The following PSMD9 variants were observed in gnomAD, a reference collection of about 807,000 sequenced individuals.
PSMD9 encodes the protein 26S proteasome non-ATPase regulatory subunit 9.
PSMD9 carries 26 observed loss-of-function variants against 25.9 expected under a neutral mutation model. The ratio of observed to expected loss-of-function variants is 1.00; its 90% CI spans 0.73 to 1.39. The LOEUF (loss-of-function observed/expected upper bound fraction) is 1.39, where lower values mean the gene tolerates loss of function less well. PSMD9 is among the 40% of genes most tolerant of loss of function. PSMD9 has a pLI of 0.00. For missense variants in PSMD9, 303 were observed against 299.3 expected, an observed-to-expected ratio of 1.01 and a Z score of -0.09; for synonymous variants, 110 against 114.5, an observed-to-expected ratio of 0.96 and a Z score of 0.25.
intron 3 of PSMD9, 164 bp from the exon 4 acceptor site, chr12:121,902,842 C>T (rs913389685): frequency 2.0e-5 from 12 of 589,760 alleles, no homozygotes; most frequent in East Asian, 1.8e-4. Context: ...TACCCACTGC[C>T]CCTTCCTGCA....
At chr12:121,899,593 C>T in intron 2 of PSMD9, 41 bp from the exon 3 acceptor site, 5 of 1,531,654 alleles carry the variant, frequency 3.3e-6, no homozygotes, top group Non-Finnish European at 4.4e-6. Flanking sequence ...TTGTGTCCTC[C>T]ACTGTCTTCC....
rs115131890 is a variant in PSMD9 at position 121,894,564 on chromosome 12, C to G, written c.139-175C>G. On this transcript the variant is annotated intron_variant, in intron 1 of 5. Transcript: ENST00000541212. The stretch of plus-strand genomic sequence containing the variant: ...AAAATAAAAAATGAAAAACACAGTG[C>G]CCACCCCAGGGTAGTTGTGAGGGCA... The G allele has an allele frequency of 1.8e-3, 1,055 of 593,312 alleles. 12 individuals carry two copies. The African/African-American group carries it at 0.018, about 10-fold the overall frequency. The allele number at this position is 593,312 out of a possible 1,614,324, so 36.8% of individuals were successfully genotyped here.
At chr12:121,913,455 C>A (rs1879798159) in intron 4 of PSMD9, among the ~76,000 whole-genome samples, 1 of 150,554 alleles carries the variant, frequency 6.6e-6, no homozygotes, top group African/African-American at 2.4e-5. Context: ...GATGTTAAAT[C>A]CTTATTAGAT....
intron 4 of PSMD9, among the ~76,000 whole-genome samples, chr12:121,904,547 C>T (rs184411516): frequency 1.1e-4 from 17 of 150,912 alleles, no homozygotes; most frequent in Non-Finnish European, 2.2e-4. Context: ...GCACTCCAGC[C>T]TAGGCGACAG....
At chr12:121,910,082 A>AATTTTTT (rs1159648546) in intron 4 of PSMD9, among the ~76,000 whole-genome samples, 1 of 48,366 alleles carries the variant, frequency 2.1e-5, no homozygotes, top group Non-Finnish European at 4.3e-5. Flanking sequence ...GTAGGAAATG[A>AATTTTTT]CTTTTTTTTT....
At chr12:121,895,749 C>G (rs776844069) in intron 2 of PSMD9, among the ~76,000 whole-genome samples, 1 of 152,206 alleles carries the variant, frequency 6.6e-6, no homozygotes, top group Non-Finnish European at 1.5e-5. Context: ...ACACCAGGCC[C>G]ACCTGGATAA....
chr12:121,914,603 G>C (rs917193095), intron 4 of PSMD9: 3 of 152,242 alleles, frequency 2.0e-5, no homozygotes, highest in Admixed American at 1.3e-4. Flanking sequence ...CAAAATCCCA[G>C]CACTTTGGGA....
chr12:121,890,062 C>T lies in PSMD9; in HGVS notation c.138+1068C>T, dbSNP rs571884866. The stretch of plus-strand genomic sequence containing the variant: ...CCTCCCGAGTAGTAGGGATTACAGG[C>T]GAGCGCCAGTACGCCAGGCTAATTT... On this transcript the variant is annotated intron_variant, in intron 1 of 5. Coordinates refer to ENST00000541212, the MANE Select transcript of PSMD9 (RefSeq NM_002813.7). Among the ~76,000 whole-genome samples the T allele has an allele frequency of 7.9e-5, 12 of 152,114 alleles. No homozygotes were observed. In the East Asian group the frequency reaches 1.9e-3, roughly 25 times the overall value.
intron 1 of PSMD9, chr12:121,894,352 T>G: frequency 5.4e-6 from 1 of 183,668 alleles, no homozygotes; most frequent in South Asian, 9.8e-5. Context: ...CTGGGTGCTG[T>G]CTGGGCTTTT....
intron 1 of PSMD9, among the ~76,000 whole-genome samples, chr12:121,889,353 C>A (rs1022838966): frequency 1.3e-5 from 2 of 152,184 alleles, no homozygotes; most frequent in African/African-American, 4.8e-5. Flanking sequence ...GATTAAACAG[C>A]TGTCATGTGC....
rs368280242 is a variant in PSMD9, at chr12:121,903,071, G to T, written c.519G>T (p.Leu173=). The T allele has an allele frequency of 1.7e-4, 275 of 1,613,960 alleles. 1 individual carries two copies. Among genetic ancestry groups the T allele is most frequent in the Non-Finnish European group, 1.9e-4 (223 of 1,179,982 alleles). ...GSVNTQNFQS[L]HNIGSVVQHS... is the part of the protein sequence containing the mutation. ...TGAACACCCAGAACTTCCAGTCACT[G>T]CATAACATTGGCAGTGTGGTGCAGC... is the stretch of plus-strand genomic sequence containing the variant. The change falls in exon 4 of 6, where the codon CTG becomes CTT. Residue 173 remains leucine (L), a synonymous_variant. Transcript: ENST00000541212.
At chr12:121,912,685 G>C (rs961513513) in intron 4 of PSMD9, among the ~76,000 whole-genome samples, 1 of 151,842 alleles carries the variant, frequency 6.6e-6, no homozygotes, top group Non-Finnish European at 1.5e-5. Context: ...GGGGATCATG[G>C]TGAAACCTGT....
rs1347917230 is a variant in PSMD9 at position 121,912,053 on chromosome 12, ATTTATTTT to A, written c.556-3802_556-3795del. Among the ~76,000 whole-genome samples, 619 of 143,070 alleles carry A rather than the reference ATTTATTTT, an allele frequency of 4.3e-3. 4 individuals are homozygous for A. Among genetic ancestry groups the A allele is most frequent in the Non-Finnish European group, 6.8e-3 (443 of 65,238 alleles). The allele number at this position is 143,070 out of a possible 152,430, so 93.9% of individuals were successfully genotyped here. On this transcript the variant is annotated intron_variant, in intron 4 of 5. Coordinates refer to ENST00000541212, the MANE Select transcript of PSMD9 (RefSeq NM_002813.7). ...TATTTATTTATTTATTTATTTATTT[ATTTATTTT>A]GAGACAGGTTCTCTGTTGCCAAGGC...
intron 1 of PSMD9, among the ~76,000 whole-genome samples, chr12:121,892,375 G>C (rs1461446799): frequency 6.6e-6 from 1 of 151,972 alleles, no homozygotes; most frequent in African/African-American, 2.4e-5. Context: ...ACTAGCCTGG[G>C]CAACACAGTA....
chr12:121,911,659 C>CTT (rs60603408), intron 4 of PSMD9, among the ~76,000 whole-genome samples: 40,398 of 141,510 alleles, frequency 0.29, 6,117 homozygotes, highest in East Asian at 0.54. Flanking sequence ...AATATATGAA[C>CTT]TTTTTTTTTT....
chr12:121,891,125 C>T (rs954405232), intron 1 of PSMD9, among the ~76,000 whole-genome samples: 1 of 145,938 alleles, frequency 6.9e-6, no homozygotes, highest in Non-Finnish European at 1.5e-5. Flanking sequence ...CGCGCCAGGC[C>T]TACAAAAAAT....
chr12:121,889,042 T>TC (rs1490644965), intron 1 of PSMD9, 48 bp downstream of exon 1: 5 of 1,548,612 alleles, frequency 3.2e-6, no homozygotes, highest in Non-Finnish European at 4.4e-6. Context: ...CGGCCCGGAG[T>TC]CCCTGGGGTA....
intron 1 of PSMD9, chr12:121,894,291 T>C (rs189633694): frequency 7.5e-4 from 122 of 163,742 alleles, no homozygotes; most frequent in African/African-American, 2.9e-3. Flanking sequence ...GTGCTATCAG[T>C]TTCCTTCTTC....
At chr12:121,905,682 C>A (rs938081783) in intron 4 of PSMD9, among the ~76,000 whole-genome samples, 5 of 151,888 alleles carry the variant, frequency 3.3e-5, no homozygotes, top group South Asian at 2.1e-4. Flanking sequence ...TGCCCACCAC[C>A]ACGCCCAGCT....
Sources: allele counts gnomAD v4.1 joint callset (sites outside exome capture counted in the v4.1 genomes callset), GRCh38; gene constraint gnomAD v4.1.1; transcripts MANE v1.5; gene names NCBI Gene and HGNC (gene_info 2026-07-23, HGNC 2026-07-21).